Variants in PRDM5 observed in about 807,000 individuals in gnomAD.
PRDM5 encodes PR/SET domain 5, also known as PR domain zinc finger protein 5.
A neutral mutation model predicts 81.2 loss-of-function variants in PRDM5; 56 were observed. That is an observed-to-expected ratio of 0.69 (90% CI 0.56 to 0.86). The LOEUF (loss-of-function observed/expected upper bound fraction) is 0.86. Among genes scored for constraint, PRDM5 ranks in the 40% least tolerant of loss-of-function variants. The pLI, the probability that PRDM5 is intolerant of heterozygous loss-of-function variation, is 0.00. For missense variants in PRDM5, 697 were observed against 770.1 expected (o/e 0.91, Z 1.12); for synonymous variants, 267 against 256.4 (o/e 1.04, Z -0.39).
At chr4:120,749,708 G>T (rs1399334419) in intron 14 of PRDM5, among the ~76,000 whole-genome samples, 1 of 152,198 alleles carries the variant, frequency 6.6e-6, no homozygotes, top group African/African-American at 2.4e-5. Flanking sequence ...GGTGGAACAT[G>T]AAACTCGCAG....
chr4:120,710,541 T>C, intron 14 of PRDM5, 128 bp from the exon 15 acceptor site: 2 of 786,620 alleles, frequency 2.5e-6, no homozygotes, highest in Non-Finnish European at 4.4e-6. Context: ...CTGATATGGT[T>C]TGGCTGTGCC....
At chr4:120,816,408 G>A (rs1399670658) in intron 7 of PRDM5, 45 bp downstream of exon 7, 1 of 1,613,984 alleles carries the variant, frequency 6.2e-7, no homozygotes, top group Non-Finnish European at 8.5e-7. Flanking sequence ...CTGCAGCCTG[G>A]GGAAAGGAAG....
chr4:120,854,973 A>G (rs1759708946), intron 2 of PRDM5, among the ~76,000 whole-genome samples: 1 of 152,158 alleles, frequency 6.6e-6, no homozygotes. Flanking sequence ...AGAAGGAGCA[A>G]CCGAGAAAGT....
intron 2 of PRDM5, among the ~76,000 whole-genome samples, chr4:120,870,546 C>A (rs1261714730): frequency 1.3e-5 from 2 of 152,012 alleles, no homozygotes; most frequent in South Asian, 2.1e-4. Flanking sequence ...CAGGGAGAGG[C>A]CCCTAAGCCA....
At chr4:120,832,634 CTT>C (rs1316841900) in intron 3 of PRDM5, among the ~76,000 whole-genome samples, 3 of 152,114 alleles carry the variant, frequency 2.0e-5, no homozygotes, top group African/African-American at 7.2e-5. Flanking sequence ...TGATGTGACA[CTT>C]TGCTCACTGA....
At chr4:120,744,140 T>C (rs1275610479) in intron 14 of PRDM5, among the ~76,000 whole-genome samples, 1 of 152,094 alleles carries the variant, frequency 6.6e-6, no homozygotes, top group Admixed American at 6.5e-5. Context: ...TCAAAACCGC[T>C]CAACTACATG....
chr4:120,719,657 T>G (rs1271265863), intron 14 of PRDM5, among the ~76,000 whole-genome samples: 1 of 152,174 alleles, frequency 6.6e-6, no homozygotes, highest in Non-Finnish European at 1.5e-5. Flanking sequence ...TAATTTTAAT[T>G]TTACATATAA....
chr4:120,800,373 C>G (rs1187465326), intron 8 of PRDM5, among the ~76,000 whole-genome samples: 1 of 152,050 alleles, frequency 6.6e-6, no homozygotes, highest in Non-Finnish European at 1.5e-5. Context: ...AAAAATTAGC[C>G]AGGTGTGATG....
At chr4:120,871,529 GT>G (rs767224128) in intron 2 of PRDM5, among the ~76,000 whole-genome samples, 27 of 152,070 alleles carry the variant, frequency 1.8e-4, no homozygotes, top group African/African-American at 4.8e-5. Flanking sequence ...TGCATTCTGA[GT>G]TTTTGTTATT....
intron 10 of PRDM5, among the ~76,000 whole-genome samples, chr4:120,791,578 C>T (rs1195705978): frequency 6.6e-6 from 1 of 152,192 alleles, no homozygotes; most frequent in African/African-American, 2.4e-5. Context: ...TGATCTAATA[C>T]TTTGAAATCT....
intron 2 of PRDM5, among the ~76,000 whole-genome samples, chr4:120,888,704 A>G (rs1410862520): frequency 6.6e-6 from 1 of 152,212 alleles, no homozygotes; most frequent in Non-Finnish European, 1.5e-5. Flanking sequence ...TGATGTGACC[A>G]ATTAAAAAAC....
chr4:120,741,585 C>T (rs907102027), intron 14 of PRDM5, among the ~76,000 whole-genome samples: 2 of 151,884 alleles, frequency 1.3e-5, no homozygotes, highest in South Asian at 2.1e-4. Context: ...GTGCACGAGC[C>T]GAAGCAGGGC....
intron 1 of PRDM5, among the ~76,000 whole-genome samples, chr4:120,918,723 T>C (rs908324840): frequency 6.7e-6 from 1 of 150,150 alleles, no homozygotes; most frequent in Non-Finnish European, 1.5e-5. Context: ...GGTGTGTGCC[T>C]TGGTTTGGAA....
chr4:120,754,247 C>A (rs1175194694), intron 14 of PRDM5, among the ~76,000 whole-genome samples: 1 of 152,090 alleles, frequency 6.6e-6, no homozygotes, highest in South Asian at 2.1e-4. Context: ...GCAAGAAAAA[C>A]CTTTAAATAT....
chr4:120,763,927 TA>T (rs200802763), intron 13 of PRDM5, among the ~76,000 whole-genome samples: 1,453 of 138,764 alleles, frequency 0.01, 26 homozygotes, highest in African/African-American at 0.035. Context: ...TAGAGAAGAT[TA>T]AAAAAAAAAA....
chr4:120,842,452 G>A (rs1758142623), intron 3 of PRDM5, among the ~76,000 whole-genome samples: 1 of 152,174 alleles, frequency 6.6e-6, no homozygotes, highest in Non-Finnish European at 1.5e-5. Flanking sequence ...AGCTGCCAAA[G>A]GAGGCCAGTT....
intron 2 of PRDM5, among the ~76,000 whole-genome samples, chr4:120,857,590 C>A (rs527251713): frequency 6.6e-6 from 1 of 152,090 alleles, no homozygotes; most frequent in Non-Finnish European, 1.5e-5. Flanking sequence ...TGTATCTGTA[C>A]CTTTTTTCAG....
intron 13 of PRDM5, among the ~76,000 whole-genome samples, chr4:120,771,660 C>T (rs1747317138): frequency 6.6e-6 from 1 of 151,796 alleles, no homozygotes. Context: ...TCAACACGTT[C>T]AACAATTTAA....
chr4:120,911,581 G>T (rs924066330), intron 1 of PRDM5, among the ~76,000 whole-genome samples: 1 of 152,148 alleles, frequency 6.6e-6, no homozygotes, highest in African/African-American at 2.4e-5. Context: ...CTCTCATTTT[G>T]CTGAATGTTA....
Sources: allele counts gnomAD v4.1 joint callset (sites outside exome capture counted in the v4.1 genomes callset), GRCh38; gene constraint gnomAD v4.1.1; transcripts MANE v1.5; gene names NCBI Gene and HGNC (gene_info 2026-07-23, HGNC 2026-07-21).